Variants in PPP2R3A observed in about 807,000 individuals in gnomAD.
The protein encoded by PPP2R3A is protein phosphatase 2 regulatory subunit B''alpha, also known as serine/threonine-protein phosphatase 2A regulatory subunit B'' subunit alpha.
Under a neutral mutation model 106.9 loss-of-function variants are expected in PPP2R3A, and 80 were observed. The observed-to-expected ratio is 0.75, with a 90% confidence interval of 0.62 to 0.90. The LOEUF is 0.90. Ranked by LOEUF, PPP2R3A falls within the 40% of genes least tolerant of loss-of-function variation. The pLI, the probability that PPP2R3A is intolerant of heterozygous loss-of-function variation, is 0.00. For missense variants in PPP2R3A, 1,386 were observed against 1,350.4 expected (o/e 1.03, Z -0.41); for synonymous variants, 483 against 468.3 (o/e 1.03, Z -0.41).
chr3:135,989,456 A>C (rs1217428268), intron 1 of PPP2R3A, among the ~76,000 whole-genome samples: 1 of 152,108 alleles, frequency 6.6e-6, no homozygotes, highest in Admixed American at 6.6e-5. Context: ...TGTTCTGCAG[A>C]TGTGAAGATT....
chr3:136,072,938 A>G (rs1480626263), intron 6 of PPP2R3A, among the ~76,000 whole-genome samples: 1 of 152,084 alleles, frequency 6.6e-6, no homozygotes, highest in Non-Finnish European at 1.5e-5. Flanking sequence ...TCACCTAGCA[A>G]GTAGTCCTTA....
intron 8 of PPP2R3A, among the ~76,000 whole-genome samples, chr3:136,086,172 T>C (rs764347889): frequency 9.9e-5 from 15 of 150,938 alleles, no homozygotes; most frequent in Non-Finnish European, 1.9e-4. Flanking sequence ...TCAGGTTTCA[T>C]AGAGCTTTGC....
At chr3:136,133,137 G>GTAA (rs1326362615) in intron 13 of PPP2R3A, among the ~76,000 whole-genome samples, 1 of 152,066 alleles carries the variant, frequency 6.6e-6, no homozygotes, top group Non-Finnish European at 1.5e-5. Context: ...TTGGGCAAGA[G>GTAA]TAATTTTTAA....
intron 1 of PPP2R3A, among the ~76,000 whole-genome samples, chr3:135,977,932 T>C (rs1277983093): frequency 6.6e-6 from 1 of 151,944 alleles, no homozygotes; most frequent in Non-Finnish European, 1.5e-5. Flanking sequence ...ACTCCTAAGC[T>C]AAAAGCTATC....
At chr3:136,132,628 C>A (rs1346175304) in intron 13 of PPP2R3A, among the ~76,000 whole-genome samples, 2 of 151,388 alleles carry the variant, frequency 1.3e-5, no homozygotes, top group African/African-American at 4.8e-5. Flanking sequence ...TAAAGAAGAC[C>A]TAAATAACTG....
intron 1 of PPP2R3A, among the ~76,000 whole-genome samples, chr3:135,969,393 G>C (rs1262094129): frequency 1.3e-5 from 2 of 152,146 alleles, no homozygotes; most frequent in East Asian, 3.9e-4. Flanking sequence ...TTGAGAGGGA[G>C]AAATGAGATC....
intron 5 of PPP2R3A, among the ~76,000 whole-genome samples, chr3:136,060,474 A>G (rs1936038272): frequency 6.6e-6 from 1 of 152,146 alleles, no homozygotes; most frequent in African/African-American, 2.4e-5. Context: ...ATGGTTTAGC[A>G]CCATCCTCCT....
rs767708811 is a variant in PPP2R3A at position 136,040,935 on chromosome 3, C to T, written c.2339C>T (p.Ala780Val). 6.2e-7 allele frequency: 1 copy of T among 1,613,556 alleles called. No individual in the cohort carries two copies. Among genetic ancestry groups the T allele is most frequent in the South Asian group, 1.1e-5 (1 of 90,920 alleles). The change falls in exon 4 of 14, where the codon GCA (alanine) becomes GTA (valine). Residue 780 changes from alanine to valine, a missense_variant. Physicochemically the swap from Ala to Val is moderately conservative, Grantham distance 64 (BLOSUM62 0). Transcript: ENST00000264977. The stretch of plus-strand genomic sequence containing the variant: ...GGAGAGAAGACAGGATTTGTGACAG[C>T]ACAGTCATTCATTGCCATGTGGAGA... The part of the protein sequence containing the change: ...AGGEKTGFVT[A>V]QSFIAMWRKL...
chr3:136,017,558 T>G (rs1934320102), intron 2 of PPP2R3A, among the ~76,000 whole-genome samples: 1 of 152,244 alleles, frequency 6.6e-6, no homozygotes, highest in South Asian at 2.1e-4. Flanking sequence ...AAGGACAGGC[T>G]GTTAACGTAT....
At chr3:135,972,433 A>G (rs552604122) in intron 1 of PPP2R3A, among the ~76,000 whole-genome samples, 3 of 152,310 alleles carry the variant, frequency 2.0e-5, no homozygotes, top group East Asian at 3.9e-4. Flanking sequence ...TTCTTCTACA[A>G]GTTTTTGTTT....
Position 136,099,940 on chromosome 3 carries a change from G to A in PPP2R3A, c.2928-2067G>A, listed in dbSNP as rs968354254. On this transcript the variant is annotated intron_variant, in intron 10 of 13. Coordinates refer to ENST00000264977, the MANE Select transcript of PPP2R3A (RefSeq NM_002718.5). ...CTTAAAAAAAAAAAAAAAAGAGAAG[G>A]AGGGAAAGGGCAGGGAAGAGAGATA... 2.0e-5 allele frequency among the ~76,000 whole-genome samples: 3 copies of A among 151,200 alleles called. No homozygotes were observed. The East Asian group carries it at 5.8e-4, about 29-fold the overall frequency.
intron 10 of PPP2R3A, among the ~76,000 whole-genome samples, chr3:136,092,900 CT>C (rs1433473296): frequency 6.6e-6 from 1 of 152,156 alleles, no homozygotes; most frequent in East Asian, 1.9e-4. Context: ...ACTGCAATTA[CT>C]TTTGTACCAA....
chr3:136,010,411 C>T (rs543927074), intron 2 of PPP2R3A, among the ~76,000 whole-genome samples: 13 of 131,934 alleles, frequency 9.9e-5, no homozygotes, highest in South Asian at 7.3e-4. Flanking sequence ...CCATCACGCT[C>T]GGCTAATTTT....
Position 136,102,058 on chromosome 3 carries a change from CA to C in PPP2R3A, c.2980del (p.Met994CysfsTer35). 1 of 1,613,966 alleles carries C rather than the reference CA, an allele frequency of 6.2e-7. No individual in the cohort carries two copies. The highest frequency in any genetic ancestry group is 8.5e-7 in the Non-Finnish European group (1 of 1,179,950). On this transcript the variant is annotated frameshift_variant, in exon 11 of 14. Coordinates refer to ENST00000264977, the MANE Select transcript of PPP2R3A (RefSeq NM_002718.5). LOFTEE classifies it high-confidence loss of function. ...ATGTGGATGGAGACGGTGTACTCTC[CA>C]TGTATGAGCTGGAGTACTTCTATGA... Reference protein sequence around the residue: ...MDVDGDGVLSMYELEYFYEEQ... With the variant: ...MDVDGDGVLSXYELEYFYEEQ...
intron 13 of PPP2R3A, among the ~76,000 whole-genome samples, chr3:136,113,120 A>G (rs1559927430): frequency 7.1e-6 from 1 of 140,008 alleles, no homozygotes. Context: ...GCAACAAAAG[A>G]AAAAAAAAAT....
rs553659841 is a variant in PPP2R3A at position 136,058,910 on chromosome 3, T to A, written c.2469+9549T>A. Among the ~76,000 whole-genome samples the A allele has an allele frequency of 2.6e-5, 4 of 152,316 alleles. No individual in the cohort carries two copies. The East Asian group carries it at 7.7e-4, about 29-fold the overall frequency. On this transcript the variant is annotated intron_variant, in intron 5 of 13. Coordinates refer to ENST00000264977, the MANE Select transcript of PPP2R3A (RefSeq NM_002718.5). ...AATTGGGAAAGGATTCCCTATTCAA[T>A]AAATGGTGCTGGGATAACTGGCTAG... is the stretch of plus-strand genomic sequence containing the variant.
chr3:136,041,377 C>T (rs1208885441), intron 4 of PPP2R3A, among the ~76,000 whole-genome samples: 1 of 151,090 alleles, frequency 6.6e-6, no homozygotes, highest in Non-Finnish European at 1.5e-5. Context: ...CCTACCTCAG[C>T]CTCCTAAGTA....
chr3:136,144,571 G>T (rs567965375), intron 13 of PPP2R3A, among the ~76,000 whole-genome samples: 1 of 151,940 alleles, frequency 6.6e-6, no homozygotes, highest in African/African-American at 2.4e-5. Flanking sequence ...TGAGGCAGGA[G>T]AATCGCCTGA....
intron 3 of PPP2R3A, among the ~76,000 whole-genome samples, chr3:136,032,097 T>A (rs112332139): frequency 6.6e-6 from 1 of 152,234 alleles, no homozygotes; most frequent in Non-Finnish European, 1.5e-5. Flanking sequence ...GTCTGTAGAT[T>A]GCTTTTGGCA....
Sources: allele counts gnomAD v4.1 joint callset (sites outside exome capture counted in the v4.1 genomes callset), GRCh38; gene constraint gnomAD v4.1.1; transcripts MANE v1.5; gene names NCBI Gene and HGNC (gene_info 2026-07-23, HGNC 2026-07-21).